Variants in DPP6 observed in about 807,000 individuals in gnomAD.
DPP6 encodes A-type potassium channel modulatory protein DPP6.
Under a neutral mutation model 122.6 loss-of-function variants are expected in DPP6, and 69 were observed. The observed-to-expected ratio is 0.56, with a 90% CI of 0.46 to 0.69. DPP6 has a LOEUF of 0.69. DPP6 is among the 30% of genes least tolerant of loss of function. The pLI, the probability that DPP6 is intolerant of heterozygous loss-of-function variation, is 0.00. For synonymous variants in DPP6, 418 were observed against 433.1 expected, an observed-to-expected ratio of 0.97 and a Z score of 0.43; for missense variants, 928 against 1,116.9, an observed-to-expected ratio of 0.83 and a Z score of 2.41.
chr7:153,897,270 C>T (rs1799453399), intron 1 of DPP6, among the ~76,000 whole-genome samples: 5 of 152,152 alleles, frequency 3.3e-5, no homozygotes, highest in Admixed American at 3.3e-4. Flanking sequence ...TGTATTCTTT[C>T]AGAAATTATC....
At chr7:154,365,372 G>A (rs1289571620) in intron 1 of DPP6, among the ~76,000 whole-genome samples, 4 of 152,248 alleles carry the variant, frequency 2.6e-5, no homozygotes, top group East Asian at 1.9e-4. Context: ...AAATCCACAG[G>A]ACAAGGTGCG....
the DPP6 span, among the ~76,000 whole-genome samples, chr7:153,809,179 A>C: frequency 0.27 from 41,632 of 151,668 alleles, 6,397 homozygotes; most frequent in East Asian, 0.4. Flanking sequence ...CACCTGTTGC[A>C]TCTCCGTATG....
chr7:153,785,698 A>C, the DPP6 span, among the ~76,000 whole-genome samples: 10 of 151,954 alleles, frequency 6.6e-5, no homozygotes, highest in African/African-American at 2.2e-4. Flanking sequence ...GCTGGGCTGG[A>C]GTGCAGTGAT....
chr7:153,965,385 C>T (rs1421125490), intron 1 of DPP6, among the ~76,000 whole-genome samples: 1 of 152,154 alleles, frequency 6.6e-6, no homozygotes, highest in African/African-American at 2.4e-5. Context: ...TTAGGCAGCG[C>T]TCCTCATGGC....
intron 10 of DPP6, among the ~76,000 whole-genome samples, chr7:154,787,061 T>C (rs912690062): frequency 6.6e-6 from 1 of 152,232 alleles, no homozygotes; most frequent in Non-Finnish European, 1.5e-5. Flanking sequence ...TATATTTTAT[T>C]TCTTTATTAT....
intron 6 of DPP6, among the ~76,000 whole-genome samples, chr7:154,641,595 T>G (rs759432870): frequency 4.6e-5 from 7 of 152,194 alleles, no homozygotes; most frequent in Non-Finnish European, 8.8e-5. Flanking sequence ...TTATCTATAT[T>G]TATGTCTATT....
At chr7:154,458,065 G>A (rs1196551405) in intron 2 of DPP6, among the ~76,000 whole-genome samples, 2 of 152,178 alleles carry the variant, frequency 1.3e-5, no homozygotes, top group Non-Finnish European at 1.5e-5. Flanking sequence ...TGGGAGGGAT[G>A]TGGCCACAAG....
Position 154,863,083 on chromosome 7 carries a change from G to A in DPP6, c.1715-4912G>A, listed in dbSNP as rs1336501420. Among the ~76,000 whole-genome samples, 1 of 151,930 alleles carries A rather than the reference G, an allele frequency of 6.6e-6. No homozygotes were observed. Among genetic ancestry groups the A allele is most frequent in the African/African-American group, 2.4e-5 (1 of 41,348 alleles). On this transcript the variant is annotated intron_variant, in intron 17 of 25. Transcript: ENST00000377770. The surrounding 1 kb of genome is among the most constrained non-coding windows in gnomAD (Gnocchi z 4.1). ...CTGGCTAATTTTTACATTTTTCTTTGGAGAGATCAGGTCTCCCTATGTTGC... is the reference window on the plus strand; with the variant it reads ...CTGGCTAATTTTTACATTTTTCTTTAGAGAGATCAGGTCTCCCTATGTTGC...
At chr7:154,647,147 A>T (rs1836536320) in intron 6 of DPP6, among the ~76,000 whole-genome samples, 1 of 152,198 alleles carries the variant, frequency 6.6e-6, no homozygotes, top group Non-Finnish European at 1.5e-5. Context: ...AGCCATGCTG[A>T]GGAGCAAGAA....
chr7:153,980,258 C>T (rs4725517), intron 1 of DPP6, among the ~76,000 whole-genome samples: 25,250 of 151,982 alleles, frequency 0.17, 2,572 homozygotes, highest in Admixed American at 0.25. Context: ...TTGACTTCTT[C>T]GTGGTTTAGT....
the DPP6 span, among the ~76,000 whole-genome samples, chr7:153,749,881 G>A: frequency 6.6e-6 from 1 of 152,320 alleles, no homozygotes; most frequent in Non-Finnish European, 1.5e-5. The surrounding 1 kb of genome is among the most constrained non-coding windows in gnomAD (Gnocchi z 4.1). Context: ...AAAAAGGCGA[G>A]CACTGTGGAG....
chr7:154,798,554 A>G (rs1798173773), intron 12 of DPP6, among the ~76,000 whole-genome samples: 1 of 152,262 alleles, frequency 6.6e-6, no homozygotes, highest in Non-Finnish European at 1.5e-5. Flanking sequence ...TGAGTTGGAA[A>G]CATAAGGTTC....
chr7:153,857,336 C>CTCTCTCTCTG, the DPP6 span, among the ~76,000 whole-genome samples: 1 of 150,910 alleles, frequency 6.6e-6, no homozygotes, highest in Non-Finnish European at 1.5e-5. Context: ...CTCTCTCTCT[C>CTCTCTCTCTG]TCTCTCTCTC....
chr7:154,842,570 T>C (rs1174896892), intron 16 of DPP6, among the ~76,000 whole-genome samples: 1 of 151,722 alleles, frequency 6.6e-6, no homozygotes, highest in Non-Finnish European at 1.5e-5. Context: ...GCTTTTCTTT[T>C]GGTAATCTGA....
chr7:154,090,191 G>C (rs1475594289), intron 1 of DPP6, among the ~76,000 whole-genome samples: 1 of 152,016 alleles, frequency 6.6e-6, no homozygotes, highest in South Asian at 2.1e-4. Context: ...CAGCAAAGTA[G>C]CCTTCATCTT....
At chr7:154,677,645 C>T (rs1032624365) in intron 7 of DPP6, among the ~76,000 whole-genome samples, 6 of 152,334 alleles carry the variant, frequency 3.9e-5, no homozygotes, top group Non-Finnish European at 8.8e-5. Context: ...GTGTGGGCGT[C>T]TGCACGGGGA....
chr7:154,136,705 G>A lies in DPP6; in HGVS notation c.243+83642G>A, dbSNP rs372741275. 1.1e-4 allele frequency among the ~76,000 whole-genome samples: 17 copies of A among 152,072 alleles called. 1 individual carries two copies. The East Asian group carries it at 1.4e-3, about 12-fold the overall frequency. On this transcript the variant is annotated intron_variant, in intron 1 of 25. Coordinates refer to ENST00000377770, the MANE Select transcript of DPP6 (RefSeq NM_130797.4). The stretch of plus-strand genomic sequence containing the variant: ...AATACCTCAAAGACAGTTTTCTTTA[G>A]GAAGATAAAGAACACTAAAATGTTA...
At chr7:154,784,530 A>C (rs925855566) in intron 10 of DPP6, among the ~76,000 whole-genome samples, 1 of 152,176 alleles carries the variant, frequency 6.6e-6, no homozygotes, top group African/African-American at 2.4e-5. Flanking sequence ...AAAAATGTAC[A>C]CTCAGTGAGC....
intron 1 of DPP6, among the ~76,000 whole-genome samples, chr7:153,947,926 G>A (rs527805880): frequency 6.6e-6 from 1 of 152,288 alleles, no homozygotes; most frequent in Non-Finnish European, 1.5e-5. Flanking sequence ...TATTCAGTAT[G>A]CCAAGGTAGC....
Sources: allele counts gnomAD v4.1 joint callset (sites outside exome capture counted in the v4.1 genomes callset), GRCh38; gene constraint gnomAD v4.1.1; non-coding constraint Gnocchi (gnomAD v3.1); transcripts MANE v1.5; gene names NCBI Gene and HGNC (gene_info 2026-07-23, HGNC 2026-07-21).